ITGAL: variants seen among roughly 807,000 people sequenced by gnomAD.
The protein encoded by ITGAL is integrin alpha-L.
A neutral mutation model predicts 138.4 loss-of-function variants in ITGAL; 68 were observed. The ratio of observed to expected loss-of-function variants is 0.49; its 90% CI spans 0.40 to 0.60. The LOEUF (loss-of-function observed/expected upper bound fraction) is 0.60, where lower values mean the gene tolerates loss of function less well. ITGAL is among the 20% of genes least tolerant of loss of function. The pLI is 0.00. For synonymous variants in ITGAL, 561 were observed against 584.3 expected (o/e 0.96, Z 0.57); for missense variants, 1,256 against 1,478.6 (o/e 0.85, Z 2.47).
chr16:30,515,897 G>C (rs886098081), intron 25 of ITGAL, among the ~76,000 whole-genome samples: 7 of 151,878 alleles, frequency 4.6e-5, no homozygotes, highest in Admixed American at 1.3e-4. Flanking sequence ...GCTTGAACCT[G>C]GAAGGTGAAG....
chr16:30,521,421 T>C, intron 30 of ITGAL, 71 bp from the exon 31 acceptor site: 5 of 1,351,138 alleles, frequency 3.7e-6, no homozygotes, highest in Non-Finnish European at 5.1e-6. Flanking sequence ...AAAAAAAAAG[T>C]GTTCTCACAT....
At chr16:30,498,188 G>A (rs950989169) in intron 15 of ITGAL, among the ~76,000 whole-genome samples, 2 of 151,518 alleles carry the variant, frequency 1.3e-5, no homozygotes, top group Non-Finnish European at 1.5e-5. Flanking sequence ...AGCTGGGCAT[G>A]GTGGCATGCG....
intron 15 of ITGAL, among the ~76,000 whole-genome samples, chr16:30,497,383 G>T (rs1477489764): frequency 6.6e-6 from 1 of 151,756 alleles, no homozygotes; most frequent in African/African-American, 2.4e-5. Context: ...GGCTCATGTG[G>T]GTAATCCCAG....
In ITGAL at chr16:30,476,435, C is replaced by A. The variant is rs191040345; in HGVS notation, c.327+855C>A. 4.6e-5 allele frequency among the ~76,000 whole-genome samples: 7 copies of A among 152,030 alleles called. No individual in the cohort carries two copies. The East Asian group carries it at 1.4e-3, about 29-fold the overall frequency. On this transcript the variant is annotated intron_variant, in intron 4 of 30. Transcript: ENST00000356798. ...GTGGTATACAAACTTTTAATGTTTT[C>A]ATGGTTATAAATTTAATGGCTTATT...
intron 15 of ITGAL, among the ~76,000 whole-genome samples, chr16:30,497,469 C>A (rs1476648785): frequency 6.6e-6 from 1 of 151,808 alleles, no homozygotes; most frequent in East Asian, 1.9e-4. Flanking sequence ...CAGTGGGACA[C>A]CATCTGTACT....
At chr16:30,490,649 T>C (rs2050712258) in intron 11 of ITGAL, among the ~76,000 whole-genome samples, 1 of 152,084 alleles carries the variant, frequency 6.6e-6, no homozygotes, top group African/African-American at 2.4e-5. Flanking sequence ...GTCACACCTA[T>C]ATATTAAATC....
chr16:30,508,326 G>A (rs1383110489), intron 21 of ITGAL, among the ~76,000 whole-genome samples: 1 of 148,744 alleles, frequency 6.7e-6, no homozygotes, highest in Non-Finnish European at 1.5e-5. Context: ...TGATTCTCCT[G>A]CCTCAGCCTC....
At position 30,479,194 on chromosome 16, in the gene ITGAL, G is replaced by T. The variant is rs34166708; in HGVS notation, c.431G>T (p.Arg144Leu). The change falls in exon 5 of 31, where the codon CGC (arginine) becomes CTC (leucine). Residue 144 changes from arginine (R) to leucine (L), a missense_variant. This residue lies in a region of ITGAL where 212 missense variants were observed against 217.4 expected (regional missense o/e 0.98). Transcript: ENST00000356798. ...QNLQGPMLQG[R>L]PGFQECIKGN... ...CTGCAGGGTCCCATGCTGCAGGGGCGCCCTGGTTTTCAGGGTAAGGAACTG... is the reference window on the plus strand; with the variant it reads ...CTGCAGGGTCCCATGCTGCAGGGGCTCCCTGGTTTTCAGGGTAAGGAACTG... 7 of 1,613,938 alleles carry T rather than the reference G, an allele frequency of 4.3e-6. No homozygotes were observed. The highest frequency in any genetic ancestry group is 1.1e-5 in the South Asian group (1 of 91,080).
intron 2 of ITGAL, 23 bp downstream of exon 2, chr16:30,474,321 T>C: frequency 6.5e-7 from 1 of 1,534,120 alleles, no homozygotes; most frequent in Non-Finnish European, 8.9e-7. Context: ...CCACAAGTCC[T>C]CCTCCTGATG....
Position 30,494,163 on chromosome 16 carries a change from C to A in ITGAL, c.1214-49C>A. On this transcript the variant is annotated intron_variant, in intron 11 of 30. Transcript: ENST00000356798. The surrounding 1 kb of genome is among the most constrained non-coding windows in gnomAD (Gnocchi z 4.2). Reference sequence around the variant, plus strand: ...CCCTGCCCCTCTCCTGCTGGGTGTTCTTCCAGCATCCTGTGTTCCTAACTC... The same window carrying A: ...CCCTGCCCCTCTCCTGCTGGGTGTTATTCCAGCATCCTGTGTTCCTAACTC... 6.7e-7 allele frequency: 1 copy of A among 1,502,540 alleles called. No individual in the cohort carries two copies. Among genetic ancestry groups the A allele is most frequent in the Non-Finnish European group, 9.0e-7 (1 of 1,107,466 alleles). 93.1% of individuals were successfully genotyped at this position (1,502,540 alleles called of 1,614,324 possible). A position where few individuals can be genotyped will look rare whatever the true frequency, so the allele number is the denominator to read the frequency against.
In ITGAL at chr16:30,489,042, C is replaced by A. The variant is rs146356337; in HGVS notation, c.1007-40C>A. 8.4e-5 allele frequency: 131 copies of A among 1,554,920 alleles called. 1 individual carries two copies. The highest frequency in any genetic ancestry group is 1.1e-4 in the Non-Finnish European group (119 of 1,127,506). On this transcript the variant is annotated intron_variant, in intron 9 of 30. Coordinates refer to ENST00000356798, the MANE Select transcript of ITGAL (RefSeq NM_002209.3). ...CCATGAATTTTTTTCACTGCATTTA[C>A]TGCTGTTGGGTCTCACCTGTTCTCT...
At chr16:30,478,121 G>A (rs140719584) in intron 4 of ITGAL, among the ~76,000 whole-genome samples, 2,924 of 151,914 alleles carry the variant, frequency 0.019, 84 homozygotes, top group African/African-American at 0.062. Context: ...CAGACACAAG[G>A]TCAGGAGTTT....
At chr16:30,497,783 C>CT (rs1009219047) in intron 15 of ITGAL, among the ~76,000 whole-genome samples, 70 of 139,940 alleles carry the variant, frequency 5.0e-4, no homozygotes, top group Admixed American at 9.4e-4. Context: ...CAGCCCTTTT[C>CT]TTTTTTTTTT....
chr16:30,474,866 T>TC (rs1169270719), intron 2 of ITGAL, among the ~76,000 whole-genome samples: 17 of 149,272 alleles, frequency 1.1e-4, no homozygotes, highest in South Asian at 2.1e-4. Context: ...TTTTCTTTTT[T>TC]TTTTTTTTGA....
intron 25 of ITGAL, 88 bp downstream of exon 25, chr16:30,513,934 G>C (rs963842916): frequency 2.1e-6 from 2 of 967,818 alleles, no homozygotes; most frequent in Non-Finnish European, 3.3e-6. Flanking sequence ...AGTAGACACA[G>C]TACTCATCCT....
In ITGAL at chr16:30,494,081, G is replaced by A; in HGVS notation, c.1214-131G>A. ...TGGGAGCACATGGATGCTTTTCTCA[G>A]GAGAAGGTCTTCAGCTGTTTCCATG... On this transcript the variant is annotated intron_variant, in intron 11 of 30. Coordinates refer to ENST00000356798, the MANE Select transcript of ITGAL (RefSeq NM_002209.3). The surrounding 1 kb of genome is among the most constrained non-coding windows in gnomAD (Gnocchi z 4.2). 1 of 739,314 alleles carries A rather than the reference G, an allele frequency of 1.4e-6. No homozygotes were observed. Among genetic ancestry groups the A allele is most frequent in the Non-Finnish European group, 2.2e-6 (1 of 449,742 alleles). 45.8% of individuals were successfully genotyped at this position (739,314 alleles called of 1,614,324 possible).
At chr16:30,474,564 C>T (rs1597058629) in intron 2 of ITGAL, 1 of 465,428 alleles carries the variant, frequency 2.1e-6, no homozygotes, top group Non-Finnish European at 3.9e-6. Context: ...CCAGTAGGTT[C>T]CTGACACTCC....
At chr16:30,505,155 A>C in intron 18 of ITGAL, 89 bp from the exon 19 acceptor site, 6 of 1,301,624 alleles carry the variant, frequency 4.6e-6, no homozygotes, top group Non-Finnish European at 6.2e-6. Context: ...CAGTTGAGCT[A>C]AGCCCCTGCC....
rs567437140 is a variant in ITGAL, at chr16:30,495,149, C to T, written c.1503+299C>T. On this transcript the variant is annotated intron_variant, in intron 13 of 30. Coordinates refer to ENST00000356798, the MANE Select transcript of ITGAL (RefSeq NM_002209.3). The stretch of plus-strand genomic sequence containing the variant: ...AAGGGATTCTCCTGCCTCAGCCTCC[C>T]GAGTAGCTGGGATTACAGGCATGTG... 3.9e-5 allele frequency among the ~76,000 whole-genome samples: 6 copies of T among 152,252 alleles called. No homozygotes were observed. In the East Asian group the frequency reaches 5.8e-4, roughly 15 times the overall value.
Sources: allele counts gnomAD v4.1 joint callset (sites outside exome capture counted in the v4.1 genomes callset), GRCh38; gene constraint gnomAD v4.1.1; regional missense constraint gnomAD v4.1.1; non-coding constraint Gnocchi (gnomAD v3.1); transcripts MANE v1.5; gene names NCBI Gene and HGNC (gene_info 2026-07-23, HGNC 2026-07-21).